Variants in SIMC1 observed in about 807,000 individuals in gnomAD.
SIMC1 encodes the protein SUMO-interacting motif-containing protein 1.
Under a neutral mutation model 82.3 loss-of-function variants are expected in SIMC1, and 55 were observed. The ratio of observed to expected loss-of-function variants is 0.67; its 90% CI spans 0.54 to 0.84. The LOEUF (loss-of-function observed/expected upper bound fraction) is 0.84, where lower values mean the gene tolerates loss of function less well. Ranked by LOEUF, SIMC1 falls within the 40% of genes least tolerant of loss-of-function variation. The pLI is 0.00. For missense variants in SIMC1, 915 were observed against 1,107.2 expected, an observed-to-expected ratio of 0.83 and a Z score of 2.46; for synonymous variants, 353 against 426.3, an observed-to-expected ratio of 0.83 and a Z score of 2.12.
At chr5:176,275,017 T>G (rs908816680) in intron 1 of SIMC1, among the ~76,000 whole-genome samples, 24 of 151,880 alleles carry the variant, frequency 1.6e-4, no homozygotes, top group African/African-American at 5.3e-4. Context: ...GTGAAGAAAG[T>G]CATTGGTAGC....
At chr5:176,249,686 AAAAC>A (rs1293538535) in intron 1 of SIMC1, among the ~76,000 whole-genome samples, 2 of 151,826 alleles carry the variant, frequency 1.3e-5, no homozygotes, top group Admixed American at 1.3e-4. Flanking sequence ...TAAAAATACA[AAAAC>A]AAAATTAGCT....
intron 9 of SIMC1, among the ~76,000 whole-genome samples, chr5:176,341,146 CAAAAAG>C (rs1766121862): frequency 6.6e-6 from 1 of 152,110 alleles, no homozygotes; most frequent in Non-Finnish European, 1.5e-5. Flanking sequence ...GACTCCATCT[CAAAAAG>C]AAATAAATAA....
At chr5:176,246,665 G>C (rs898224802) in intron 1 of SIMC1, among the ~76,000 whole-genome samples, 1 of 151,734 alleles carries the variant, frequency 6.6e-6, no homozygotes, top group Non-Finnish European at 1.5e-5. Context: ...GAACGTGCAG[G>C]TTTGTTACAT....
intron 4 of SIMC1, chr5:176,313,202 C>T (rs1764739303): frequency 1.9e-6 from 2 of 1,050,892 alleles, no homozygotes; most frequent in Non-Finnish European, 2.5e-6. Context: ...GAGTGGACAT[C>T]ATGGCGGTTT....
intron 4 of SIMC1, among the ~76,000 whole-genome samples, chr5:176,310,964 G>C (rs1314079846): frequency 1.3e-5 from 2 of 152,052 alleles, no homozygotes; most frequent in African/African-American, 4.8e-5. Flanking sequence ...CTAAGTGAAA[G>C]AAACCACACA....
At chr5:176,311,479 A>G (rs960458862) in intron 4 of SIMC1, among the ~76,000 whole-genome samples, 1 of 151,922 alleles carries the variant, frequency 6.6e-6, no homozygotes, top group Non-Finnish European at 1.5e-5. Flanking sequence ...CTGGCCTCAA[A>G]TGATCCTCCC....
At chr5:176,328,600 C>A (rs1259906619) in intron 7 of SIMC1, among the ~76,000 whole-genome samples, 1 of 152,020 alleles carries the variant, frequency 6.6e-6, no homozygotes, top group Admixed American at 6.6e-5. Context: ...ATAACTCTCA[C>A]AAGTTTAGCG....
At chr5:176,304,406 C>T (rs1246217184) in intron 4 of SIMC1, 2 of 177,224 alleles carry the variant, frequency 1.1e-5, no homozygotes, top group Non-Finnish European at 2.4e-5. Context: ...CCGGGCCGGT[C>T]TCCAGCCCCT....
At chr5:176,288,780 C>T (rs1292975428) in intron 1 of SIMC1, among the ~76,000 whole-genome samples, 1 of 152,136 alleles carries the variant, frequency 6.6e-6, no homozygotes, top group African/African-American at 2.4e-5. Flanking sequence ...AGCCTCAGGG[C>T]CCTAAAGTAC....
chr5:176,283,042 G>A (rs553026228), intron 1 of SIMC1, among the ~76,000 whole-genome samples: 59 of 152,332 alleles, frequency 3.9e-4, no homozygotes, highest in Middle Eastern at 3.4e-3. Context: ...CCAAATCTGC[G>A]TCTCATTGGT....
chr5:176,252,784 C>T (rs1250839364), intron 1 of SIMC1, among the ~76,000 whole-genome samples: 1 of 152,218 alleles, frequency 6.6e-6, no homozygotes, highest in African/African-American at 2.4e-5. Context: ...GGGGCCAAGG[C>T]AGGCGGCTGG....
At chr5:176,271,749 A>G (rs1468114173) in intron 1 of SIMC1, among the ~76,000 whole-genome samples, 2 of 150,270 alleles carry the variant, frequency 1.3e-5, no homozygotes, top group South Asian at 2.1e-4. Context: ...TAACAAAGAA[A>G]TGAATTCTTG....
intron 1 of SIMC1, among the ~76,000 whole-genome samples, chr5:176,279,288 TTC>T (rs1416767197): frequency 6.6e-6 from 1 of 152,244 alleles, no homozygotes; most frequent in African/African-American, 2.4e-5. Flanking sequence ...CTCTGTAGTA[TTC>T]TTTGTGTTTC....
At position 176,289,705 on chromosome 5, in the gene SIMC1, G is replaced by A; in HGVS notation, c.181G>A (p.Gly61Arg). The change falls in exon 2 of 10, where the codon GGA becomes AGA. Residue 61 changes from glycine to arginine, a missense_variant. Gly to Arg is a moderately radical substitution (Grantham distance 125, BLOSUM62 -2). Around this residue, in one of 2 missense-constraint regions of SIMC1, gnomAD observed 902 missense variants for 1,040.3 expected, o/e 0.87. Coordinates refer to ENST00000429602, the MANE Select transcript of SIMC1 (RefSeq NM_001308195.2). ...ETRPRTKDRS[G>R]LYVIDLTRAE... ...CAGACCAAGGACAAAAGATCGCAGTGGACTGTATGTGATTGACCTGACAAG... is the reference window on the plus strand; with the variant it reads ...CAGACCAAGGACAAAAGATCGCAGTAGACTGTATGTGATTGACCTGACAAG... The A allele has an allele frequency of 6.2e-7, 1 of 1,613,022 alleles. No homozygotes were observed. The highest frequency in any genetic ancestry group is 2.2e-5 in the East Asian group (1 of 44,880).
In SIMC1 at chr5:176,250,811, T is replaced by G. The variant is rs1355086318; in HGVS notation, c.129+12174T>G. 2.6e-5 allele frequency among the ~76,000 whole-genome samples: 4 copies of G among 152,232 alleles called. No homozygotes were observed. In the South Asian group the frequency reaches 8.3e-4, roughly 31 times the overall value. Reference sequence around the variant, plus strand: ...TTTTTGTTTTTTGCTTTCCATTTGCTTGGTAATTTATTCCTCCATCCCTTT... The same window carrying G: ...TTTTTGTTTTTTGCTTTCCATTTGCGTGGTAATTTATTCCTCCATCCCTTT... On this transcript the variant is annotated intron_variant, in intron 1 of 9. Coordinates refer to ENST00000429602, the MANE Select transcript of SIMC1 (RefSeq NM_001308195.2).
intron 7 of SIMC1, among the ~76,000 whole-genome samples, chr5:176,335,458 G>A (rs1450520377): frequency 4.0e-5 from 6 of 151,306 alleles, no homozygotes; most frequent in Non-Finnish European, 5.9e-5. Context: ...TTGTGTTTTA[G>A]TAGAGACAGG....
chr5:176,285,642 A>G (rs1297904488), intron 1 of SIMC1, among the ~76,000 whole-genome samples: 250 of 151,844 alleles, frequency 1.6e-3, no homozygotes, highest in Middle Eastern at 0.01. Flanking sequence ...GGCCAGGGCA[A>G]TTAGGCAGGA....
chr5:176,294,639 C>T (rs958265848), intron 2 of SIMC1, among the ~76,000 whole-genome samples: 1 of 150,650 alleles, frequency 6.6e-6, no homozygotes, highest in Non-Finnish European at 1.5e-5. Context: ...CTATCTTCAA[C>T]GTATTCTAGA....
chr5:176,252,549 G>A (rs1274386215), intron 1 of SIMC1, among the ~76,000 whole-genome samples: 74 of 151,126 alleles, frequency 4.9e-4, no homozygotes, highest in East Asian at 7.9e-4. Context: ...ATGGGCGGCC[G>A]GGCAGAGACG....
Sources: allele counts gnomAD v4.1 joint callset (sites outside exome capture counted in the v4.1 genomes callset), GRCh38; gene constraint gnomAD v4.1.1; regional missense constraint gnomAD v4.1.1; transcripts MANE v1.5; gene names NCBI Gene and HGNC (gene_info 2026-07-23, HGNC 2026-07-21).